Variants in PRDM2 observed in about 807,000 individuals in gnomAD.
The protein encoded by PRDM2 is PR domain zinc finger protein 2.
PRDM2 carries 30 observed loss-of-function variants against 130.0 expected under a neutral mutation model. The observed-to-expected ratio is 0.23, with a 90% CI of 0.17 to 0.31. The LOEUF (loss-of-function observed/expected upper bound fraction) is 0.31, where lower values mean the gene tolerates loss of function less well. Among genes scored for constraint, PRDM2 ranks in the 10% least tolerant of loss-of-function variants. The pLI is 1.00. For synonymous variants in PRDM2, 871 were observed against 782.4 expected, an observed-to-expected ratio of 1.11 and a Z score of -1.89; for missense variants, 2,011 against 2,108.4, an observed-to-expected ratio of 0.95 and a Z score of 0.90.
intron 8 of PRDM2, among the ~76,000 whole-genome samples, chr1:13,810,656 G>A (rs1292976058): frequency 2.0e-5 from 3 of 151,682 alleles, no homozygotes; most frequent in African/African-American, 2.4e-5. Flanking sequence ...CACCACACCC[G>A]GCTAATTTTT....
chr1:13,750,525 G>A (rs1643794437), intron 6 of PRDM2, among the ~76,000 whole-genome samples: 1 of 151,906 alleles, frequency 6.6e-6, no homozygotes, highest in Non-Finnish European at 1.5e-5. Context: ...AAATCATATC[G>A]TAAACTCGAT....
At position 13,798,433 on chromosome 1, in the gene PRDM2, A is replaced by G. The variant is rs139397514; in HGVS notation, c.5036+15602A>G. On this transcript the variant is annotated intron_variant, in intron 8 of 9. Coordinates refer to ENST00000311066, the MANE Select transcript of PRDM2 (RefSeq NM_001393986.1). ...GTTACTGCCTCTGGGGATAGTCCTT[A>G]AGGTTAAGAATGCATAATGAAAGCC... is the stretch of plus-strand genomic sequence containing the variant. 2.8e-4 allele frequency among the ~76,000 whole-genome samples: 42 copies of G among 152,286 alleles called. No homozygotes were observed. In the East Asian group the frequency reaches 7.5e-3, roughly 27 times the overall value.
intron 1 of PRDM2, among the ~76,000 whole-genome samples, chr1:13,711,144 A>G (rs1280703678): frequency 6.6e-6 from 1 of 152,102 alleles, no homozygotes; most frequent in Non-Finnish European, 1.5e-5. Context: ...TACGCTTGGA[A>G]AGATTTTTCT....
chr1:13,732,986 T>C, intron 4 of PRDM2, 104 bp downstream of exon 4: 1 of 803,856 alleles, frequency 1.2e-6, no homozygotes, highest in Non-Finnish European at 1.9e-6. Context: ...TTTTAATGTG[T>C]TCTTTAAAGT....
chr1:13,801,618 G>A (rs2281167), intron 8 of PRDM2, among the ~76,000 whole-genome samples: 13,412 of 152,194 alleles, frequency 0.088, 1,380 homozygotes, highest in East Asian at 0.29. Context: ...ACTAGTGCCC[G>A]TCTCCTAAAG....
intron 6 of PRDM2, among the ~76,000 whole-genome samples, chr1:13,749,706 C>G (rs1643751874): frequency 1.3e-5 from 2 of 151,936 alleles, no homozygotes; most frequent in South Asian, 4.1e-4. Context: ...CCCTCCCGCC[C>G]TGCCGACCCG....
At chr1:13,723,701 T>C (rs1270878927) in intron 2 of PRDM2, among the ~76,000 whole-genome samples, 3 of 152,244 alleles carry the variant, frequency 2.0e-5, no homozygotes, top group Admixed American at 6.5e-5. Context: ...TGTTTTCGGC[T>C]GTTCTCTCCT....
At chr1:13,745,016 G>A (rs1369828718) in intron 5 of PRDM2, among the ~76,000 whole-genome samples, 2 of 152,174 alleles carry the variant, frequency 1.3e-5, no homozygotes, top group Non-Finnish European at 2.9e-5. Flanking sequence ...ATTCCTGAAA[G>A]TTAGCTGTTA....
chr1:13,822,444 G>A (rs1004146486), intron 9 of PRDM2, among the ~76,000 whole-genome samples: 1 of 148,366 alleles, frequency 6.7e-6, no homozygotes, highest in African/African-American at 2.5e-5. Context: ...CTCCCAGGCT[G>A]GAGTGCAGTG....
chr1:13,706,802 G>A (rs1642224183), intron 1 of PRDM2, among the ~76,000 whole-genome samples: 1 of 151,736 alleles, frequency 6.6e-6, no homozygotes, highest in South Asian at 2.1e-4. Flanking sequence ...AAAAAAGCTT[G>A]CATGTATGTA....
At chr1:13,786,407 C>T (rs1017194844) in intron 8 of PRDM2, 19 of 1,452,534 alleles carry the variant, frequency 1.3e-5, no homozygotes, top group South Asian at 7.3e-5. Flanking sequence ...TATGTGTTGT[C>T]GTCTTAATAA....
chr1:13,775,033 A>G (rs1387214583), intron 7 of PRDM2, among the ~76,000 whole-genome samples: 1 of 152,182 alleles, frequency 6.6e-6, no homozygotes, highest in African/African-American at 2.4e-5. Flanking sequence ...CAGCTGGTCA[A>G]AGTGGTGTCG....
Position 13,816,085 on chromosome 1 carries a change from G to A in PRDM2, c.5037-342G>A, listed in dbSNP as rs549246263. ...GCACAGCCGCTGTTCTGATGCAATCGGAGTCATTCTGGCTCACCTGCATGT... is the reference window on the plus strand; with the variant it reads ...GCACAGCCGCTGTTCTGATGCAATCAGAGTCATTCTGGCTCACCTGCATGT... On this transcript the variant is annotated intron_variant, in intron 8 of 9. Coordinates refer to ENST00000311066, the MANE Select transcript of PRDM2 (RefSeq NM_001393986.1). Among the ~76,000 whole-genome samples the A allele has an allele frequency of 7.2e-5, 11 of 152,298 alleles. No individual in the cohort carries two copies. The South Asian group carries it at 8.3e-4, about 11-fold the overall frequency.
intron 2 of PRDM2, chr1:13,722,883 A>G (rs370409194): frequency 1.9e-5 from 10 of 513,738 alleles, no homozygotes; most frequent in Non-Finnish European, 3.9e-5. Context: ...TCAAGAAGAC[A>G]AAAGGTTCAG....
chr1:13,780,456 G>T lies in PRDM2; in HGVS notation c.2661G>T (p.Met887Ile). 6.2e-7 allele frequency: 1 copy of T among 1,614,184 alleles called. No individual in the cohort carries two copies. Among genetic ancestry groups the T allele is most frequent in the Non-Finnish European group, 8.5e-7 (1 of 1,180,044 alleles). The change falls in exon 8 of 10, where the codon ATG (methionine) becomes ATT (isoleucine). Residue 887 changes from methionine (M) to isoleucine (I), a missense_variant. Around this residue, in one of 5 missense-constraint regions of PRDM2, gnomAD observed 1,288 missense variants for 1,237.7 expected, o/e 1.04. Transcript: ENST00000311066. The part of the protein sequence containing the change: ...AVKKRKPTTC[M>I]LQKVLLNEYN... ...AGAAAAGGAAACCAACCACCTGCAT[G>T]CTGCAGAAGGTTCTTCTCAATGAAT...
intron 8 of PRDM2, chr1:13,783,070 G>A: frequency 1.1e-6 from 1 of 929,506 alleles, no homozygotes; most frequent in Non-Finnish European, 1.6e-6. Context: ...GTGGCCAGAT[G>A]TAAATTGAAT....
chr1:13,746,350 C>A (rs1015414988), intron 5 of PRDM2, among the ~76,000 whole-genome samples: 5 of 150,082 alleles, frequency 3.3e-5, no homozygotes, highest in Non-Finnish European at 4.4e-5. Flanking sequence ...AAGAAAAAAA[C>A]CAATATATTA....
chr1:13,792,586 C>G (rs1357532614), intron 8 of PRDM2, among the ~76,000 whole-genome samples: 1 of 152,178 alleles, frequency 6.6e-6, no homozygotes, highest in Non-Finnish European at 1.5e-5. Context: ...TATTATTGGA[C>G]TTGTGAATTC....
chr1:13,781,609 A>G lies in PRDM2; in HGVS notation c.3814A>G (p.Thr1272Ala), dbSNP rs1036616250. 1.2e-6 allele frequency: 2 copies of G among 1,613,358 alleles called. No homozygotes were observed. The highest frequency in any genetic ancestry group is 2.7e-5 in the African/African-American group (2 of 74,894). The stretch of plus-strand genomic sequence containing the variant: ...TGATTCCTCTGAAGAGCTTTACACG[A>G]CTATAAAAATAATGGCTTCTGGAAT... The part of the protein sequence containing the change: ...LNDSSEELYT[T>A]IKIMASGIKT... Residue 1272 changes from threonine (T) to alanine (A), a missense_variant, in exon 8 of 10, where the codon ACT (threonine) becomes GCT (alanine). Physicochemically the swap from Thr to Ala is moderately conservative, Grantham distance 58. Transcript: ENST00000311066. The surrounding 1 kb of genome is among the most constrained non-coding windows in gnomAD (Gnocchi z 6.1).
Sources: allele counts gnomAD v4.1 joint callset (sites outside exome capture counted in the v4.1 genomes callset), GRCh38; gene constraint gnomAD v4.1.1; regional missense constraint gnomAD v4.1.1; non-coding constraint Gnocchi (gnomAD v3.1); transcripts MANE v1.5; gene names NCBI Gene and HGNC (gene_info 2026-07-23, HGNC 2026-07-21).